MAPKAP1: variants seen among roughly 807,000 people sequenced by gnomAD.
The protein encoded by MAPKAP1 is MAPK associated protein 1, also known as target of rapamycin complex 2 subunit MAPKAP1.
Under a neutral mutation model 65.7 loss-of-function variants are expected in MAPKAP1, and 20 were observed. That is an observed-to-expected ratio of 0.30 (90% CI 0.21 to 0.44). MAPKAP1 has a LOEUF of 0.44. MAPKAP1 is among the 20% of genes least tolerant of loss of function. The pLI is 1.00. For synonymous variants in MAPKAP1, 222 were observed against 244.3 expected (o/e 0.91, Z 0.85); for missense variants, 423 against 648.0 (o/e 0.65, Z 3.77).
At chr9:125,706,285 C>T (rs906297453) in intron 1 of MAPKAP1, among the ~76,000 whole-genome samples, 1 of 151,964 alleles carries the variant, frequency 6.6e-6, no homozygotes, top group Non-Finnish European at 1.5e-5. Context: ...TGACTCTTCA[C>T]ACCTGGGAAA....
At chr9:125,585,473 G>T in intron 5 of MAPKAP1, 82 bp downstream of exon 5, 1 of 1,489,194 alleles carries the variant, frequency 6.7e-7, no homozygotes, top group South Asian at 1.3e-5. Context: ...CCAATGCCTA[G>T]AAAGACTAAC....
At chr9:125,683,964 C>G (rs1343431120) in intron 1 of MAPKAP1, among the ~76,000 whole-genome samples, 1 of 152,074 alleles carries the variant, frequency 6.6e-6, no homozygotes, top group African/African-American at 2.4e-5. Context: ...TCAGGTGTAC[C>G]CTTCTCCAAT....
At chr9:125,622,986 C>CG (rs1265737776) in intron 4 of MAPKAP1, among the ~76,000 whole-genome samples, 5 of 152,062 alleles carry the variant, frequency 3.3e-5, no homozygotes, top group Non-Finnish European at 7.4e-5. Flanking sequence ...TTGGTGGAGA[C>CG]GGGGTTTCGC....
chr9:125,669,158 T>G, intron 3 of MAPKAP1, among the ~76,000 whole-genome samples: 1 of 117,806 alleles, frequency 8.5e-6, no homozygotes. Flanking sequence ...CCAGCCTGGG[T>G]GACACAGCAA....
At chr9:125,575,529 T>C (rs552714203) in intron 5 of MAPKAP1, among the ~76,000 whole-genome samples, 5 of 152,276 alleles carry the variant, frequency 3.3e-5, no homozygotes, top group South Asian at 4.1e-4. Context: ...GTCTAATGTA[T>C]AGTGGCCATT....
chr9:125,482,783 A>G (rs982785534), intron 9 of MAPKAP1, among the ~76,000 whole-genome samples: 1 of 152,016 alleles, frequency 6.6e-6, no homozygotes, highest in African/African-American at 2.4e-5. Context: ...TGCAGAGGGG[A>G]AAAAAAGGTG....
chr9:125,647,556 C>T (rs1401603997), intron 4 of MAPKAP1, among the ~76,000 whole-genome samples: 2 of 152,168 alleles, frequency 1.3e-5, no homozygotes, highest in African/African-American at 2.4e-5. Context: ...GTTTGTTGTT[C>T]GTGGTTCTGT....
chr9:125,453,831 G>A (rs1415534423), intron 10 of MAPKAP1, among the ~76,000 whole-genome samples: 1 of 152,150 alleles, frequency 6.6e-6, no homozygotes, highest in African/African-American at 2.4e-5. Flanking sequence ...ACTGATATTG[G>A]AAAAGTCTTT....
chr9:125,698,015 G>A (rs1835435732), intron 1 of MAPKAP1, among the ~76,000 whole-genome samples: 1 of 151,416 alleles, frequency 6.6e-6, no homozygotes, highest in Admixed American at 6.6e-5. Flanking sequence ...GACAGGGCCA[G>A]TCCCAATATC....
intron 1 of MAPKAP1, among the ~76,000 whole-genome samples, chr9:125,675,245 G>A (rs946506343): frequency 1.3e-5 from 2 of 152,158 alleles, no homozygotes; most frequent in African/African-American, 4.8e-5. Flanking sequence ...GGGCTTTAAT[G>A]AGAAGTCACA....
At chr9:125,514,424 TG>T (rs1245683423) in intron 7 of MAPKAP1, among the ~76,000 whole-genome samples, 2 of 152,182 alleles carry the variant, frequency 1.3e-5, no homozygotes, top group African/African-American at 4.8e-5. Context: ...ATTCATTAGA[TG>T]GATGTTTGGA....
At chr9:125,458,585 G>A (rs1330148604) in intron 10 of MAPKAP1, among the ~76,000 whole-genome samples, 1 of 151,824 alleles carries the variant, frequency 6.6e-6, no homozygotes, top group African/African-American at 2.4e-5. Context: ...TCTTAGTACA[G>A]AACAAAATGA....
chr9:125,594,784 C>G (rs955686871), intron 4 of MAPKAP1, among the ~76,000 whole-genome samples: 1 of 152,182 alleles, frequency 6.6e-6, no homozygotes, highest in Non-Finnish European at 1.5e-5. Flanking sequence ...GAGCCTAGAA[C>G]ACAGCAGGGG....
chr9:125,594,160 A>G (rs1832056047), intron 4 of MAPKAP1, among the ~76,000 whole-genome samples: 1 of 152,124 alleles, frequency 6.6e-6, no homozygotes, highest in African/African-American at 2.4e-5. Flanking sequence ...CACTGCAGCA[A>G]TCTCCAACTA....
At chr9:125,644,571 A>T (rs1833672510) in intron 4 of MAPKAP1, among the ~76,000 whole-genome samples, 1 of 152,208 alleles carries the variant, frequency 6.6e-6, no homozygotes, top group Admixed American at 6.5e-5. Context: ...GTTCTGCTTT[A>T]TTAAAGCTCA....
intron 4 of MAPKAP1, among the ~76,000 whole-genome samples, chr9:125,614,670 A>G (rs1429773164): frequency 1.3e-5 from 2 of 152,220 alleles, no homozygotes; most frequent in Non-Finnish European, 2.9e-5. Flanking sequence ...TTAAGGAGAA[A>G]AATCATATGG....
chr9:125,620,216 G>A (rs1274511195), intron 4 of MAPKAP1, among the ~76,000 whole-genome samples: 1 of 152,182 alleles, frequency 6.6e-6, no homozygotes, highest in Non-Finnish European at 1.5e-5. Flanking sequence ...GGCTGAGGCA[G>A]GAGAATCACT....
At chr9:125,642,728 T>C (rs1363480344) in intron 4 of MAPKAP1, among the ~76,000 whole-genome samples, 1 of 152,186 alleles carries the variant, frequency 6.6e-6, no homozygotes, top group Non-Finnish European at 1.5e-5. Flanking sequence ...CTTTAATGTG[T>C]GCTTTTCCCT....
chr9:125,612,584 C>A (rs758989521), intron 4 of MAPKAP1, among the ~76,000 whole-genome samples: 1 of 152,168 alleles, frequency 6.6e-6, no homozygotes, highest in African/African-American at 2.4e-5. Context: ...ATCTGTCCTG[C>A]AGTGTTTTTG....
Sources: allele counts gnomAD v4.1 joint callset (sites outside exome capture counted in the v4.1 genomes callset), GRCh38; gene constraint gnomAD v4.1.1; transcripts MANE v1.5; gene names NCBI Gene and HGNC (gene_info 2026-07-23, HGNC 2026-07-21).